Variants in FRMPD3 observed in about 807,000 individuals in gnomAD.
FRMPD3 encodes FERM and PDZ domain-containing protein 3.
Under a neutral mutation model 97.9 loss-of-function variants are expected in FRMPD3, and 42 were observed. The ratio of observed to expected loss-of-function variants is 0.43; its 90% CI spans 0.34 to 0.55. The LOEUF (loss-of-function observed/expected upper bound fraction) is 0.55. Among genes scored for constraint, FRMPD3 ranks in the 20% least tolerant of loss-of-function variants. The probability of loss-of-function intolerance (pLI) is 0.03; values close to 1 mark genes in which losing one functional copy is unlikely to be tolerated. For synonymous variants in FRMPD3, 577 were observed against 581.1 expected (o/e 0.99, Z 0.10); for missense variants, 1,303 against 1,457.7 (o/e 0.89, Z 1.73).
chrX:107,595,466 T>C (rs1414202295), intron 13 of FRMPD3, among the ~76,000 whole-genome samples: 3 of 111,821 alleles, frequency 2.7e-5, no homozygotes, highest in Non-Finnish European at 5.6e-5. Context: ...TTATTTTATA[T>C]CCTAACATAC....
intron 1 of FRMPD3, among the ~76,000 whole-genome samples, chrX:107,466,887 C>T (rs1438472756): frequency 9.0e-6 from 1 of 111,684 alleles, no homozygotes; most frequent in Non-Finnish European, 1.9e-5. Flanking sequence ...GACTCTAACA[C>T]CTCCCCTCAC....
intron 8 of FRMPD3, among the ~76,000 whole-genome samples, chrX:107,557,556 T>C (rs2147591271): frequency 9.3e-6 from 1 of 107,743 alleles, no homozygotes; most frequent in South Asian, 4.2e-4. Flanking sequence ...GTTACAAGAA[T>C]TTTCCCCTAT....
intron 4 of FRMPD3, among the ~76,000 whole-genome samples, chrX:107,539,859 A>G (rs1472760370): frequency 9.0e-6 from 1 of 111,290 alleles, no homozygotes; most frequent in Non-Finnish European, 1.9e-5. Context: ...GATTAACAGG[A>G]GTACTATAGG....
intron 2 of FRMPD3, among the ~76,000 whole-genome samples, chrX:107,528,179 A>G (rs1360615477): frequency 8.9e-6 from 1 of 111,988 alleles, no homozygotes; most frequent in Non-Finnish European, 1.9e-5. Context: ...TAAAAGCCCT[A>G]TAAAAAGCTG....
At position 107,560,297 on chromosome X, in the gene FRMPD3, C is replaced by T. The variant is rs1274434236; in HGVS notation, c.803C>T (p.Pro268Leu). The change falls in exon 9 of 15, where the codon CCC becomes CTC. Residue 268 changes from proline (P) to leucine (L), a missense_variant. Coordinates refer to ENST00000683843, the MANE Select transcript of FRMPD3 (RefSeq NM_001388459.1). ...ATTCGAGAACGCTTTGGAATGGATCCCAAGCCAGAGATGCTTTTGGGCCTT... is the reference window on the plus strand; with the variant it reads ...ATTCGAGAACGCTTTGGAATGGATCTCAAGCCAGAGATGCTTTTGGGCCTT... ...DVIRERFGMD[P>L]KPEMLLGLAA... 8 of 1,209,190 alleles carry T rather than the reference C, an allele frequency of 6.6e-6. No homozygotes were observed. Among genetic ancestry groups the T allele is most frequent in the Non-Finnish European group, 8.9e-6 (8 of 894,923 alleles).
intron 1 of FRMPD3, among the ~76,000 whole-genome samples, chrX:107,487,090 C>CA (rs372795639): frequency 0.022 from 1,503 of 67,549 alleles, 12 homozygotes; most frequent in East Asian, 0.052. Context: ...ACTAAAAATA[C>CA]AAAAAAAAAA....
At chrX:107,575,639 C>CG (rs1923075891) in intron 12 of FRMPD3, among the ~76,000 whole-genome samples, 2 of 111,398 alleles carry the variant, frequency 1.8e-5, no homozygotes, top group Admixed American at 9.5e-5. Context: ...TTAGTAGAGA[C>CG]GGGGTTTCAC....
At chrX:107,541,271 C>G (rs767797394) in intron 4 of FRMPD3, among the ~76,000 whole-genome samples, 12 of 112,696 alleles carry the variant, frequency 1.1e-4, no homozygotes, top group Non-Finnish European at 2.2e-4. Context: ...TTTGAAGATG[C>G]TTTGGGACAC....
chrX:107,485,869 C>A (rs1163069734), intron 1 of FRMPD3, among the ~76,000 whole-genome samples: 1 of 111,807 alleles, frequency 8.9e-6, no homozygotes, highest in African/African-American at 3.3e-5. Flanking sequence ...GAAGAGCATT[C>A]ATTTGTCACC....
At chrX:107,498,481 T>A (rs1921828282) in intron 1 of FRMPD3, among the ~76,000 whole-genome samples, 1 of 111,818 alleles carries the variant, frequency 8.9e-6, no homozygotes, top group Non-Finnish European at 1.9e-5. Flanking sequence ...TCTCCTAATT[T>A]AGGGGGCAGA....
In FRMPD3 at chrX:107,597,442, C is replaced by A; in HGVS notation, c.1563C>A (p.Ala521=). 1 of 1,210,802 alleles carries A rather than the reference C, an allele frequency of 8.3e-7. No homozygotes were observed. The highest frequency in any genetic ancestry group is 1.8e-5 in the South Asian group (1 of 56,992). ...CGAGCCGCTGCACGCCCCCACCTGC[C>A]GACTCTGAGCTTGTCAGCTTCTGCT... is the stretch of plus-strand genomic sequence containing the variant. ...RKSSRCTPPP[A]DSELVSFCYL... The change falls in exon 14 of 15, where the codon GCC becomes GCA. Residue 521 remains alanine (A), a synonymous_variant. Coordinates refer to ENST00000683843, the MANE Select transcript of FRMPD3 (RefSeq NM_001388459.1).
intron 1 of FRMPD3, among the ~76,000 whole-genome samples, chrX:107,472,333 C>T (rs1395468376): frequency 9.0e-6 from 1 of 111,206 alleles, no homozygotes; most frequent in Admixed American, 9.5e-5. Context: ...CTTTTGTTGC[C>T]ATTGCTTTTG....
At chrX:107,524,723 T>G (rs1209522253) in intron 1 of FRMPD3, among the ~76,000 whole-genome samples, 1 of 111,703 alleles carries the variant, frequency 9.0e-6, no homozygotes, top group Non-Finnish European at 1.9e-5. Flanking sequence ...CTAGGCGCGG[T>G]GGCTCACGCC....
rs760487768 is a variant in FRMPD3, at chrX:107,565,968, AG to A, written c.1296+907del. ...GTGTCTGAGCATGTGAACAGAACAG[AG>A]GGGGCCTGGGAAGAAGGGGAACATG... On this transcript the variant is annotated intron_variant, in intron 12 of 14. Transcript: ENST00000683843. Among the ~76,000 whole-genome samples, 5 of 112,331 alleles carry A rather than the reference AG, an allele frequency of 4.5e-5. No homozygotes were observed. The South Asian group carries it at 1.8e-3, about 41-fold the overall frequency.
In FRMPD3 at chrX:107,601,598, T is replaced by C. The variant is rs958753581; in HGVS notation, c.3559T>C (p.Ser1187Pro). ...AASRQVSTMP[S>P]RKLETTLNGA... ...CAGCCGGCAGGTGAGCACCATGCCCTCTAGGAAGCTTGAAACAACTCTCAA... is the reference window on the plus strand; with the variant it reads ...CAGCCGGCAGGTGAGCACCATGCCCCCTAGGAAGCTTGAAACAACTCTCAA... The change falls in exon 15 of 15, where the codon TCT (serine) becomes CCT (proline). Residue 1187 changes from serine to proline, a missense_variant. Coordinates refer to ENST00000683843, the MANE Select transcript of FRMPD3 (RefSeq NM_001388459.1). The C allele has an allele frequency of 8.3e-7, 1 of 1,208,690 alleles. No homozygotes were observed.
At chrX:107,490,251 T>G (rs2147522697) in intron 1 of FRMPD3, among the ~76,000 whole-genome samples, 2 of 112,371 alleles carry the variant, frequency 1.8e-5, no homozygotes, top group South Asian at 7.5e-4. Context: ...CCTTGTAGTA[T>G]AGTTTGAAGT....
rs185492314 is a variant in FRMPD3, at chrX:107,479,035, C to T, written c.-8+29030C>T. 1.7e-3 allele frequency among the ~76,000 whole-genome samples: 193 copies of T among 112,684 alleles called. 3 individuals carry two copies. Among genetic ancestry groups the T allele is most frequent in the East Asian group, 0.015 (55 of 3,577 alleles). ...AGTCCTCCCTGTGCTGCTGAAGCCC[C>T]CCACTTGGCTGTGGCCAAGGACTTA... On this transcript the variant is annotated intron_variant, in intron 1 of 14. Transcript: ENST00000683843.
rs776324958 is a variant in FRMPD3, at chrX:107,470,489, GC to G, written c.-8+20485del. Among the ~76,000 whole-genome samples, 11 of 112,493 alleles carry G rather than the reference GC, an allele frequency of 9.8e-5. No homozygotes were observed. The East Asian group carries it at 3.1e-3, about 32-fold the overall frequency. ...GTTGCTCCTCACAACACAGCAGCTT[GC>G]TTTCTGTGGCATGATTGATGAGACA... On this transcript the variant is annotated intron_variant, in intron 1 of 14. Transcript: ENST00000683843.
chrX:107,543,956 T>C lies in FRMPD3; in HGVS notation c.298-1781T>C, dbSNP rs142435222. ...GCAGCACTATTCACCATAGCCAAGA[T>C]AGGGAAACAACCTAAGTGTCTGCCA... On this transcript the variant is annotated intron_variant, in intron 4 of 14. Transcript: ENST00000683843. 1.9e-4 allele frequency among the ~76,000 whole-genome samples: 21 copies of C among 111,315 alleles called. No homozygotes were observed. In the East Asian group the frequency reaches 5.6e-3, roughly 30 times the overall value.
Sources: allele counts gnomAD v4.1 joint callset (sites outside exome capture counted in the v4.1 genomes callset), GRCh38; gene constraint gnomAD v4.1.1; transcripts MANE v1.5; gene names NCBI Gene and HGNC (gene_info 2026-07-23, HGNC 2026-07-21).